Variants in CHODL observed in about 807,000 individuals in gnomAD.
CHODL encodes the protein transmembrane protein MT75.
CHODL carries 29 observed loss-of-function variants against 34.5 expected under a neutral mutation model. The ratio of observed to expected loss-of-function variants is 0.84; its 90% CI spans 0.63 to 1.15. The LOEUF is 1.15. Among genes scored for constraint, CHODL ranks in the 50% most tolerant of loss-of-function variants. The pLI is 0.00. For missense variants in CHODL, 332 were observed against 332.5 expected (o/e 1.00, Z 0.01); for synonymous variants, 125 against 116.1 (o/e 1.08, Z -0.49).
chr21:18,184,365 T>C (rs1175245682), intron 2 of CHODL, among the ~76,000 whole-genome samples: 1 of 152,222 alleles, frequency 6.6e-6, no homozygotes, highest in Non-Finnish European at 1.5e-5. Flanking sequence ...AGTATAATAC[T>C]AAGTGAAATT....
chr21:18,031,046 G>T (rs1157579483), intron 2 of CHODL, among the ~76,000 whole-genome samples: 4 of 152,134 alleles, frequency 2.6e-5, no homozygotes, highest in Admixed American at 1.3e-4. Flanking sequence ...TGAATAGTTT[G>T]ATCTAATTAG....
At chr21:18,179,443 C>T (rs975640246) in intron 2 of CHODL, among the ~76,000 whole-genome samples, 2 of 152,162 alleles carry the variant, frequency 1.3e-5, no homozygotes, top group African/African-American at 2.4e-5. Context: ...AAGCCAGTTA[C>T]GGCTCTTGCT....
intron 1 of CHODL, among the ~76,000 whole-genome samples, chr21:17,960,483 T>C (rs752446706): frequency 1.2e-4 from 19 of 152,116 alleles, no homozygotes; most frequent in Non-Finnish European, 1.9e-4. Flanking sequence ...CCGAGGAAGA[T>C]TTTTTTCAGT....
intron 2 of CHODL, among the ~76,000 whole-genome samples, chr21:18,086,053 T>C (rs2065003257): frequency 6.8e-6 from 1 of 146,508 alleles, no homozygotes; most frequent in African/African-American, 2.5e-5. Context: ...TTTTTTTTTT[T>C]TTTTTTTTTT....
chr21:18,176,426 TC>T (rs926776458), intron 2 of CHODL, among the ~76,000 whole-genome samples: 4 of 152,168 alleles, frequency 2.6e-5, no homozygotes, highest in African/African-American at 9.7e-5. Flanking sequence ...GCTAAAGACA[TC>T]AATAGTTACT....
At chr21:17,945,039 T>G (rs1041608326) in intron 1 of CHODL, among the ~76,000 whole-genome samples, 1 of 145,414 alleles carries the variant, frequency 6.9e-6, no homozygotes, top group East Asian at 2.1e-4. Flanking sequence ...TGAAACCCCG[T>G]CTCTACTAAA....
chr21:18,065,772 C>G (rs2064724555), intron 2 of CHODL, among the ~76,000 whole-genome samples: 1 of 152,128 alleles, frequency 6.6e-6, no homozygotes, highest in East Asian at 1.9e-4. Flanking sequence ...GACTATGGCA[C>G]TTTTGGTTTC....
At chr21:18,179,475 C>T (rs993633298) in intron 2 of CHODL, among the ~76,000 whole-genome samples, 4 of 152,214 alleles carry the variant, frequency 2.6e-5, no homozygotes, top group Non-Finnish European at 4.4e-5. Context: ...CATCAGCCTA[C>T]TCTCAATTGG....
At chr21:18,071,795 A>T (rs1417771721) in intron 2 of CHODL, among the ~76,000 whole-genome samples, 2 of 152,102 alleles carry the variant, frequency 1.3e-5, no homozygotes, top group Non-Finnish European at 2.9e-5. Context: ...CCTATATTTT[A>T]TGTAATATTT....
At position 18,262,343 on chromosome 21, in the gene CHODL, C is replaced by T. The variant is rs185106721; in HGVS notation, c.635-448C>T. ...CATTGTGCGAACATCATAGAGTGTA[C>T]TTGAACCTAGGTCATATAGCTTACT... is the stretch of plus-strand genomic sequence containing the variant. On this transcript the variant is annotated intron_variant, in intron 4 of 5. Transcript: ENST00000299295. Among the ~76,000 whole-genome samples, 33 of 152,264 alleles carry T rather than the reference C, an allele frequency of 2.2e-4. No individual in the cohort carries two copies. The East Asian group carries it at 6.0e-3, about 28-fold the overall frequency.
intron 1 of CHODL, among the ~76,000 whole-genome samples, chr21:17,919,217 C>T (rs962311428): frequency 6.6e-6 from 1 of 152,212 alleles, no homozygotes; most frequent in African/African-American, 2.4e-5. Context: ...GGTGGTGCCC[C>T]CATAGGGACT....
chr21:18,171,837 A>T (rs987260375), intron 2 of CHODL, among the ~76,000 whole-genome samples: 2 of 150,662 alleles, frequency 1.3e-5, no homozygotes, highest in South Asian at 2.1e-4. Flanking sequence ...CAGTTAGCTT[A>T]CTGGCCAGCT....
At chr21:18,119,317 T>G (rs1192324042) in intron 2 of CHODL, among the ~76,000 whole-genome samples, 3 of 151,930 alleles carry the variant, frequency 2.0e-5, no homozygotes, top group Non-Finnish European at 2.9e-5. Flanking sequence ...GACAAAGAAC[T>G]GTGGAATGTT....
rs532948748 is a variant in CHODL, at chr21:18,061,300, T to G, written c.-45+33329T>G. On this transcript the variant is annotated intron_variant, in intron 2 of 6. Coordinates refer to the CHODL transcript ENST00000400127. ...CTTCGGAAGTTCAGGATGACTTTGATGATAAGTCCTTCAATGGAAACTGAC... is the reference window on the plus strand; with the variant it reads ...CTTCGGAAGTTCAGGATGACTTTGAGGATAAGTCCTTCAATGGAAACTGAC... Among the ~76,000 whole-genome samples the G allele has an allele frequency of 2.0e-5, 3 of 152,284 alleles. No individual in the cohort carries two copies. The East Asian group carries it at 5.8e-4, about 29-fold the overall frequency.
At chr21:18,050,881 T>C (rs1268138595) in intron 2 of CHODL, among the ~76,000 whole-genome samples, 1 of 151,642 alleles carries the variant, frequency 6.6e-6, no homozygotes, top group African/African-American at 2.4e-5. Flanking sequence ...TAATGATTAC[T>C]AGTGGTCCCC....
chr21:18,202,966 G>A (rs1048826691), intron 2 of CHODL, among the ~76,000 whole-genome samples: 2 of 152,102 alleles, frequency 1.3e-5, no homozygotes, highest in African/African-American at 4.8e-5. Flanking sequence ...GATCCATCTC[G>A]AAAAATCTTT....
At chr21:18,105,154 T>A (rs1169313024) in intron 2 of CHODL, among the ~76,000 whole-genome samples, 1 of 152,216 alleles carries the variant, frequency 6.6e-6, no homozygotes, top group African/African-American at 2.4e-5. Context: ...CTATTTCATA[T>A]GAGGAATCAT....
At chr21:18,181,551 C>T (rs1034978404) in intron 2 of CHODL, among the ~76,000 whole-genome samples, 8 of 152,144 alleles carry the variant, frequency 5.3e-5, no homozygotes, top group African/African-American at 1.9e-4. Flanking sequence ...TACAGGCGCC[C>T]GCCACCACGC....
intron 1 of CHODL, among the ~76,000 whole-genome samples, chr21:17,921,800 C>T (rs2063185234): frequency 6.6e-6 from 1 of 152,160 alleles, no homozygotes; most frequent in African/African-American, 2.4e-5. Context: ...GGTACAAGTC[C>T]AGGCAAGAGA....
Sources: gnomAD v4.1 joint callset for allele counts (sites outside exome capture counted in the v4.1 genomes callset) on GRCh38, gnomAD v4.1.1 for gene constraint, MANE v1.5 for transcripts, NCBI Gene and HGNC (gene_info 2026-07-23, HGNC 2026-07-21) for gene names.